WDR47: variants seen among roughly 807,000 people sequenced by gnomAD.
The protein encoded by WDR47 is WD repeat domain 47.
In WDR47, 32 loss-of-function variants were observed where a neutral mutation model predicts 97.2. The observed-to-expected ratio is 0.33, with a 90% confidence interval of 0.25 to 0.44. WDR47 has a LOEUF of 0.44. WDR47 is among the 20% of genes least tolerant of loss of function. The pLI is 1.00. For missense variants in WDR47, 782 were observed against 1,102.3 expected, an observed-to-expected ratio of 0.71 and a Z score of 4.11; for synonymous variants, 375 against 373.5, an observed-to-expected ratio of 1.00 and a Z score of -0.05.
chr1:109,014,444 T>G (rs1661268823), intron 3 of WDR47, among the ~76,000 whole-genome samples: 1 of 151,926 alleles, frequency 6.6e-6, no homozygotes, highest in South Asian at 2.1e-4. Context: ...TTTCTTTTTT[T>G]TTTTTAGAGA....
intron 14 of WDR47, among the ~76,000 whole-genome samples, chr1:108,972,895 G>A (rs34063655): frequency 0.11 from 16,317 of 149,736 alleles, 1,039 homozygotes; most frequent in African/African-American, 0.16. Context: ...GCAGTGAGCC[G>A]ACATTGCACC....
chr1:109,004,816 G>C, intron 5 of WDR47, 101 bp from the exon 6 acceptor site: 3 of 1,343,048 alleles, frequency 2.2e-6, no homozygotes, highest in Non-Finnish European at 1.9e-6. Context: ...TTATTTTTGA[G>C]ATGGAGTCTC....
At chr1:108,985,397 A>C (rs1168055540) in intron 10 of WDR47, among the ~76,000 whole-genome samples, 1 of 152,102 alleles carries the variant, frequency 6.6e-6, no homozygotes, top group Non-Finnish European at 1.5e-5. Context: ...TCTCAACTTT[A>C]GTGCCTCTTC....
intron 8 of WDR47, 99 bp downstream of exon 8, chr1:108,995,481 T>C (rs1659674428): frequency 7.0e-7 from 1 of 1,424,178 alleles, no homozygotes; most frequent in African/African-American, 1.4e-5. Flanking sequence ...GGCAGTAAGC[T>C]CTAAAAACTT....
At chr1:108,995,975 C>G in intron 7 of WDR47, 138 bp from the exon 8 acceptor site, 1 of 854,588 alleles carries the variant, frequency 1.2e-6, no homozygotes, top group Non-Finnish European at 1.8e-6. Flanking sequence ...TTAAAAATTA[C>G]CACCATCAAC....
chr1:108,978,493 C>CAA (rs201610690), intron 13 of WDR47, among the ~76,000 whole-genome samples: 3 of 92,754 alleles, frequency 3.2e-5, no homozygotes, highest in Non-Finnish European at 7.1e-5. Flanking sequence ...GTCTCAAAAG[C>CAA]AAAAAAAAAA....
chr1:109,037,291 C>T (rs747843517), intron 1 of WDR47, among the ~76,000 whole-genome samples: 7 of 149,466 alleles, frequency 4.7e-5, no homozygotes, highest in South Asian at 2.1e-4. Context: ...ATCACGCCAT[C>T]ACACTCCAGC....
chr1:108,982,508 T>C (rs965529702), intron 12 of WDR47, 101 bp downstream of exon 12: 1 of 1,404,926 alleles, frequency 7.1e-7, no homozygotes, highest in African/African-American at 1.4e-5. Context: ...CTCTGGACAG[T>C]AAGAGCAAGA....
intron 2 of WDR47, among the ~76,000 whole-genome samples, chr1:109,022,832 T>C (rs1054376300): frequency 1.3e-5 from 2 of 151,834 alleles, no homozygotes; most frequent in African/African-American, 4.8e-5. Context: ...GTGATCCGCC[T>C]GCCTCAGCCT....
intron 4 of WDR47, among the ~76,000 whole-genome samples, chr1:109,013,430 A>G (rs1661187508): frequency 6.6e-6 from 1 of 152,122 alleles, no homozygotes; most frequent in African/African-American, 2.4e-5. Context: ...TTAAATAGTC[A>G]TGAAGACAAA....
chr1:109,037,303 T>TG (rs1168300616), intron 1 of WDR47, among the ~76,000 whole-genome samples: 82 of 148,324 alleles, frequency 5.5e-4, no homozygotes, highest in African/African-American at 1.9e-3. Context: ...CACTCCAGCC[T>TG]GGGCAACAAG....
At chr1:108,974,215 C>G (rs1017728442) in intron 14 of WDR47, among the ~76,000 whole-genome samples, 13 of 151,930 alleles carry the variant, frequency 8.6e-5, no homozygotes, top group Non-Finnish European at 1.5e-4. Flanking sequence ...ACAGGCTGGG[C>G]GTGGTGGCTC....
At chr1:109,011,787 G>C (rs1387077711) in intron 4 of WDR47, 69 bp from the exon 5 acceptor site, 16 of 1,386,862 alleles carry the variant, frequency 1.2e-5, no homozygotes, top group Admixed American at 2.3e-5. Context: ...AAAACGACAA[G>C]AGTACAAAGA....
intron 12 of WDR47, 101 bp downstream of exon 12, chr1:108,982,508 T>G: frequency 7.1e-7 from 1 of 1,405,046 alleles, no homozygotes. Context: ...CTCTGGACAG[T>G]AAGAGCAAGA....
intron 9 of WDR47, among the ~76,000 whole-genome samples, chr1:108,991,001 GT>G (rs1374654233): frequency 7.7e-4 from 108 of 139,430 alleles, no homozygotes; most frequent in East Asian, 1.0e-3. Context: ...GTTTTTTTTT[GT>G]TTTTTTTTTT....
At chr1:109,035,247 GAAAAAAAAA>G (rs1174235842) in intron 1 of WDR47, among the ~76,000 whole-genome samples, 1 of 64,890 alleles carries the variant, frequency 1.5e-5, no homozygotes, top group Non-Finnish European at 3.2e-5. Context: ...CCCTGTCTCA[GAAAAAAAAA>G]AAAAAAAAAA....
chr1:108,999,770 G>A (rs1394113303), intron 7 of WDR47, among the ~76,000 whole-genome samples: 2 of 151,878 alleles, frequency 1.3e-5, no homozygotes, highest in East Asian at 1.9e-4. Context: ...TTCTGAGGAC[G>A]TACATCACTA....
chr1:109,025,776 A>G (rs1488289019), intron 1 of WDR47, among the ~76,000 whole-genome samples: 5 of 152,126 alleles, frequency 3.3e-5, no homozygotes, highest in Non-Finnish European at 5.9e-5. Context: ...AAGTGGCGCT[A>G]GGGTAAACAA....
chr1:109,007,671 G>C (rs1402841584), intron 5 of WDR47, among the ~76,000 whole-genome samples: 1 of 152,154 alleles, frequency 6.6e-6, no homozygotes, highest in Admixed American at 6.6e-5. Context: ...CACTCTACTA[G>C]AAGCTTTATC....
Sources: allele counts gnomAD v4.1 joint callset (sites outside exome capture counted in the v4.1 genomes callset), GRCh38; gene constraint gnomAD v4.1.1; transcripts MANE v1.5; gene names NCBI Gene and HGNC (gene_info 2026-07-23, HGNC 2026-07-21).